SLC8A1: variants seen among roughly 807,000 people sequenced by gnomAD.
SLC8A1 encodes the protein sodium/calcium exchanger 1.
SLC8A1 carries 18 observed loss-of-function variants against 68.3 expected under a neutral mutation model. That is an observed-to-expected ratio of 0.26 (90% CI 0.18 to 0.39). The LOEUF is 0.39. Among genes scored for constraint, SLC8A1 ranks in the 10% least tolerant of loss-of-function variants. The pLI, the probability that SLC8A1 is intolerant of heterozygous loss-of-function variation, is 1.00. For synonymous variants in SLC8A1, 475 were observed against 415.5 expected (o/e 1.14, Z -1.74); for missense variants, 985 against 1,156.7 (o/e 0.85, Z 2.15).
exon 2 of SLC8A1, chr2:40,428,541 A>T (rs1559640183): frequency 6.2e-7 from 1 of 1,613,558 alleles, no homozygotes; most frequent in Non-Finnish European, 8.5e-7. Flanking sequence ...CACCTCTGGC[A>T]GTCCCTTCGA....
exon 3 of SLC8A1, chr2:40,177,822 C>T: frequency 6.4e-7 from 1 of 1,551,154 alleles, no homozygotes; most frequent in Non-Finnish European, 8.7e-7. Flanking sequence ...TCTCATATTC[C>T]TCACGGTCAA....
chr2:40,375,181 A>T (rs952483145), intron 2 of SLC8A1, among the ~76,000 whole-genome samples: 3 of 152,104 alleles, frequency 2.0e-5, no homozygotes, highest in Non-Finnish European at 4.4e-5. Flanking sequence ...AGATTGAAGG[A>T]ATGCTCAGTT....
intron 2 of SLC8A1, among the ~76,000 whole-genome samples, chr2:40,294,251 T>C (rs2069896733): frequency 6.6e-6 from 1 of 152,156 alleles, no homozygotes; most frequent in Middle Eastern, 3.2e-3. Flanking sequence ...TTAATGTCCA[T>C]CATTTGAGGT....
At chr2:40,277,269 G>A (rs12712690) in intron 2 of SLC8A1, among the ~76,000 whole-genome samples, 1 of 151,872 alleles carries the variant, frequency 6.6e-6, no homozygotes, top group South Asian at 2.1e-4. Flanking sequence ...TGCTGGGCAC[G>A]GTAGCTCACG....
At chr2:40,234,971 G>A (rs1305390668) in intron 2 of SLC8A1, among the ~76,000 whole-genome samples, 1 of 152,132 alleles carries the variant, frequency 6.6e-6, no homozygotes, top group Non-Finnish European at 1.5e-5. Flanking sequence ...TGGTGGATAA[G>A]CTTTTTGATG....
chr2:40,389,321 A>T, intron 2 of SLC8A1, among the ~76,000 whole-genome samples: 1 of 152,070 alleles, frequency 6.6e-6, no homozygotes, highest in Non-Finnish European at 1.5e-5. Flanking sequence ...CATATTTAGT[A>T]GAGGGTGATA....
chr2:40,462,815 T>TATAAA (rs1030758464), intron 1 of SLC8A1, among the ~76,000 whole-genome samples: 144 of 152,058 alleles, frequency 9.5e-4, no homozygotes, highest in East Asian at 1.2e-3. Flanking sequence ...TAAAATAAAA[T>TATAAA]ATAAAATAAA....
At chr2:40,455,110 T>A (rs181582590), upstream of SLC8A1, among the ~76,000 whole-genome samples, 2 of 152,318 alleles carry the variant, frequency 1.3e-5, no homozygotes, top group South Asian at 4.1e-4. Flanking sequence ...TCACTAAGAT[T>A]TGATATATTC....
intron 2 of SLC8A1, among the ~76,000 whole-genome samples, chr2:40,227,379 C>T (rs771776800): frequency 5.3e-5 from 8 of 151,960 alleles, no homozygotes; most frequent in Non-Finnish European, 8.8e-5. Flanking sequence ...TTCTTTATAC[C>T]CTAGTCATAG....
chr2:40,123,998 T>C (rs922770361), intron 7 of SLC8A1, among the ~76,000 whole-genome samples: 10 of 152,220 alleles, frequency 6.6e-5, no homozygotes, highest in African/African-American at 2.2e-4. Flanking sequence ...CCTAGTTCTT[T>C]CTTCTATGCT....
chr2:40,469,817 A>G (rs1229457349), intron 1 of SLC8A1, among the ~76,000 whole-genome samples: 2 of 152,148 alleles, frequency 1.3e-5, no homozygotes, highest in Admixed American at 6.6e-5. Flanking sequence ...ATGTCTGCTT[A>G]CACTCAGTGT....
intron 6 of SLC8A1, among the ~76,000 whole-genome samples, chr2:40,144,496 C>G (rs1464802307): frequency 2.6e-5 from 4 of 151,682 alleles, no homozygotes; most frequent in Non-Finnish European, 5.9e-5. Context: ...TAGAGGAGTT[C>G]AGTATCACAT....
chr2:40,254,794 C>T (rs2063614956), intron 2 of SLC8A1: 1 of 152,182 alleles, frequency 6.6e-6, no homozygotes, highest in Non-Finnish European at 1.5e-5. Flanking sequence ...GATTGACAGG[C>T]TCATTACAGC....
At chr2:40,165,289 G>C (rs1273678893) in intron 4 of SLC8A1, among the ~76,000 whole-genome samples, 1 of 152,174 alleles carries the variant, frequency 6.6e-6, no homozygotes, top group Non-Finnish European at 1.5e-5. Flanking sequence ...TCTATGGTAA[G>C]GGAGTCACGC....
intron 2 of SLC8A1, among the ~76,000 whole-genome samples, chr2:40,194,213 G>T (rs1190830531): frequency 6.6e-6 from 1 of 152,046 alleles, no homozygotes; most frequent in Non-Finnish European, 1.5e-5. Context: ...CAAGCCTTAT[G>T]ACAAAATGAT....
chr2:40,295,105 A>ATTT (rs537124088), intron 2 of SLC8A1, among the ~76,000 whole-genome samples: 5 of 147,024 alleles, frequency 3.4e-5, no homozygotes, highest in African/African-American at 1.2e-4. Flanking sequence ...AACAATTATT[A>ATTT]TTTTTTTTTT....
chr2:40,500,300 C>T (rs559777840), intron 1 of SLC8A1, among the ~76,000 whole-genome samples: 32 of 152,122 alleles, frequency 2.1e-4, no homozygotes, highest in East Asian at 1.7e-3. Context: ...ATATTGAGTT[C>T]CACTCATATT....
intron 1 of SLC8A1, among the ~76,000 whole-genome samples, chr2:40,464,037 G>T (rs1280481773): frequency 6.6e-6 from 1 of 152,096 alleles, no homozygotes; most frequent in Admixed American, 6.6e-5. Context: ...TGGGATTACA[G>T]GTGCATGCCA....
At chr2:40,288,042 C>T (rs1160317900) in intron 2 of SLC8A1, among the ~76,000 whole-genome samples, 2 of 152,192 alleles carry the variant, frequency 1.3e-5, no homozygotes, top group African/African-American at 2.4e-5. Context: ...CTTTCCCCTT[C>T]TGCTGTCCTG....
Sources: allele counts gnomAD v4.1 joint callset (sites outside exome capture counted in the v4.1 genomes callset), GRCh38; gene constraint gnomAD v4.1.1; transcripts MANE v1.5; gene names NCBI Gene and HGNC (gene_info 2026-07-23, HGNC 2026-07-21).